The following ADAM10 variants were observed in gnomAD, a reference collection of about 807,000 sequenced individuals.
ADAM10 encodes disintegrin and metalloproteinase domain-containing protein 10.
Under a neutral mutation model 90.1 loss-of-function variants are expected in ADAM10, and 17 were observed. That is an observed-to-expected ratio of 0.19 (90% CI 0.13 to 0.28). The LOEUF (loss-of-function observed/expected upper bound fraction) is 0.28. ADAM10 is among the 10% of genes least tolerant of loss of function. ADAM10 has a pLI of 1.00. For synonymous variants in ADAM10, 310 were observed against 298.6 expected (o/e 1.04, Z -0.40); for missense variants, 610 against 914.3 (o/e 0.67, Z 4.29).
intron 1 of ADAM10, among the ~76,000 whole-genome samples, chr15:58,730,142 T>A (rs1257823987): frequency 1.3e-5 from 2 of 152,214 alleles, no homozygotes; most frequent in East Asian, 1.9e-4. Context: ...ATACTCAACC[T>A]GTATATCCTT....
intron 2 of ADAM10, among the ~76,000 whole-genome samples, chr15:58,694,979 T>C (rs1451416529): frequency 6.6e-6 from 1 of 152,212 alleles, no homozygotes; most frequent in Non-Finnish European, 1.5e-5. Context: ...TGCCTAAGTA[T>C]ATACATTTGC....
At chr15:58,743,531 G>A (rs368736093) in intron 1 of ADAM10, among the ~76,000 whole-genome samples, 1 of 152,068 alleles carries the variant, frequency 6.6e-6, no homozygotes, top group East Asian at 1.9e-4. Context: ...CTGTAACACA[G>A]CTACTTACTA....
intron 12 of ADAM10, 36 bp from the exon 13 acceptor site, chr15:58,611,143 T>C (rs766802821): frequency 1.3e-6 from 2 of 1,484,896 alleles, no homozygotes; most frequent in Non-Finnish European, 1.9e-6. Flanking sequence ...GTTTAATCCC[T>C]ATACAGTCAA....
chr15:58,749,192 C>A (rs1477725729), intron 1 of ADAM10, among the ~76,000 whole-genome samples: 1 of 152,168 alleles, frequency 6.6e-6, no homozygotes, highest in South Asian at 2.1e-4. Context: ...GCGGATGCCC[C>A]GACTTCGCTT....
At chr15:58,646,827 T>G (rs1255181175) in intron 5 of ADAM10, among the ~76,000 whole-genome samples, 2 of 152,198 alleles carry the variant, frequency 1.3e-5, no homozygotes, top group African/African-American at 2.4e-5. Flanking sequence ...TTACACAGCC[T>G]CTACTTAACT....
chr15:58,631,280 G>C (rs1395882456), intron 9 of ADAM10, among the ~76,000 whole-genome samples: 1 of 152,118 alleles, frequency 6.6e-6, no homozygotes, highest in Non-Finnish European at 1.5e-5. Context: ...AACAGATGAA[G>C]ACAACCATCT....
At chr15:58,740,988 C>T (rs1400822913) in intron 1 of ADAM10, among the ~76,000 whole-genome samples, 2 of 152,114 alleles carry the variant, frequency 1.3e-5, no homozygotes, top group Non-Finnish European at 2.9e-5. Context: ...TTATATAGTA[C>T]TTTAAAGTCT....
chr15:58,745,342 C>G (rs1464901395), intron 1 of ADAM10, among the ~76,000 whole-genome samples: 1 of 152,110 alleles, frequency 6.6e-6, no homozygotes, highest in Non-Finnish European at 1.5e-5. Context: ...ATGTTTGTAT[C>G]CTATTCTTAA....
At chr15:58,732,570 T>C (rs1266690650) in intron 1 of ADAM10, 3 of 152,228 alleles carry the variant, frequency 2.0e-5, no homozygotes, top group Admixed American at 6.5e-5. Context: ...TAGCCAGGCA[T>C]GGTGGTACAC....
At chr15:58,740,605 A>G (rs1343483115) in intron 1 of ADAM10, among the ~76,000 whole-genome samples, 1 of 152,110 alleles carries the variant, frequency 6.6e-6, no homozygotes, top group East Asian at 1.9e-4. Flanking sequence ...GGGTCTTGCT[A>G]TGTTAACCAG....
intron 5 of ADAM10, among the ~76,000 whole-genome samples, chr15:58,661,743 T>A (rs796528489): frequency 4.4e-4 from 67 of 152,316 alleles, no homozygotes; most frequent in African/African-American, 1.6e-3. Flanking sequence ...TTTTTCTGCA[T>A]CTCTTCCTGC....
intron 5 of ADAM10, among the ~76,000 whole-genome samples, chr15:58,651,491 A>C (rs1305202266): frequency 6.6e-6 from 1 of 152,184 alleles, no homozygotes. Flanking sequence ...GCTCCTACAA[A>C]TAAGTGAGAA....
chr15:58,735,042 A>G (rs1352843714), intron 1 of ADAM10, among the ~76,000 whole-genome samples: 1 of 152,194 alleles, frequency 6.6e-6, no homozygotes, highest in Admixed American at 6.5e-5. Flanking sequence ...AACTTTAGCA[A>G]TCAGTCAAGA....
intron 4 of ADAM10, among the ~76,000 whole-genome samples, chr15:58,673,880 G>A (rs536535588): frequency 6.6e-6 from 1 of 151,928 alleles, no homozygotes; most frequent in Non-Finnish European, 1.5e-5. Flanking sequence ...GACTACAGGC[G>A]CCTGCCACCA....
chr15:58,725,606 T>C (rs1399324472), intron 1 of ADAM10, among the ~76,000 whole-genome samples: 2 of 151,320 alleles, frequency 1.3e-5, no homozygotes, highest in Non-Finnish European at 2.9e-5. Context: ...CATAAGCTAA[T>C]GACTAAAAAC....
chr15:58,670,664 A>G (rs544852467), intron 4 of ADAM10, among the ~76,000 whole-genome samples: 1 of 152,286 alleles, frequency 6.6e-6, no homozygotes, highest in Admixed American at 6.5e-5. Context: ...GGCTATTCAT[A>G]AAAATGTTAA....
At chr15:58,720,388 TA>T (rs1567011476) in intron 1 of ADAM10, among the ~76,000 whole-genome samples, 18 of 80,500 alleles carry the variant, frequency 2.2e-4, no homozygotes, top group African/African-American at 6.5e-4. Flanking sequence ...TATTTTATTT[TA>T]TTTTATTTTA....
chr15:58,712,376 T>A (rs1440550135), intron 2 of ADAM10, among the ~76,000 whole-genome samples: 1 of 150,998 alleles, frequency 6.6e-6, no homozygotes, highest in Admixed American at 6.6e-5. Flanking sequence ...ATATGAAAAT[T>A]AGCTAGGCAT....
chr15:58,627,863 G>A lies in ADAM10; in HGVS notation c.1197C>T (p.Cys399=). The A allele has an allele frequency of 1.2e-6, 2 of 1,613,440 alleles. No individual in the cohort carries two copies. Among genetic ancestry groups the A allele is most frequent in the African/African-American group, 1.3e-5 (1 of 75,014 alleles). The change falls in exon 10 of 16, where the codon TGC becomes TGT. Residue 399 remains cysteine (C), a synonymous_variant. Coordinates refer to ENST00000260408, the MANE Select transcript of ADAM10 (RefSeq NM_001110.4). ...CCAAATTCTTAGATTCTCCTGGTGT[G>A]CACTCTGTTCCAGAATCATGCTGTC... is the stretch of plus-strand genomic sequence containing the variant. ...FGSPHDSGTE[C]TPGESKNLGQ...
Sources: allele counts gnomAD v4.1 joint callset (sites outside exome capture counted in the v4.1 genomes callset), GRCh38; gene constraint gnomAD v4.1.1; transcripts MANE v1.5; gene names NCBI Gene and HGNC (gene_info 2026-07-23, HGNC 2026-07-21).